Variants in SEPTIN9 observed in about 807,000 individuals in gnomAD.
SEPTIN9 encodes the protein septin 9, also known as septin-9.
SEPTIN9 carries 13 observed loss-of-function variants against 56.6 expected under a neutral mutation model. The ratio of observed to expected loss-of-function variants is 0.23; its 90% CI spans 0.15 to 0.37. SEPTIN9 has a LOEUF of 0.37. Among genes scored for constraint, SEPTIN9 ranks in the 10% least tolerant of loss-of-function variants. The probability of loss-of-function intolerance (pLI) is 1.00; values close to 1 mark genes in which losing one functional copy is unlikely to be tolerated. For missense variants in SEPTIN9, 650 were observed against 823.1 expected (o/e 0.79, Z 2.57); for synonymous variants, 332 against 334.1 (o/e 0.99, Z 0.07).
At chr17:77,308,585 T>C (rs1310462881) in intron 2 of SEPTIN9, among the ~76,000 whole-genome samples, 1 of 152,254 alleles carries the variant, frequency 6.6e-6, no homozygotes, top group African/African-American at 2.4e-5. Flanking sequence ...CATAGAATTA[T>C]TTATTTATTT....
intron 3 of SEPTIN9, among the ~76,000 whole-genome samples, chr17:77,439,487 G>C (rs2037468486): frequency 6.6e-6 from 1 of 152,170 alleles, no homozygotes; most frequent in Non-Finnish European, 1.5e-5. Context: ...GGCAGCCCAG[G>C]GGTCCTAGAG....
chr17:77,352,069 G>T (rs2034081331), intron 2 of SEPTIN9, among the ~76,000 whole-genome samples: 1 of 152,206 alleles, frequency 6.6e-6, no homozygotes. Flanking sequence ...TCCTGCGGCT[G>T]TCATAACAAA....
chr17:77,331,769 G>T (rs2033371699), intron 2 of SEPTIN9, among the ~76,000 whole-genome samples: 1 of 152,164 alleles, frequency 6.6e-6, no homozygotes, highest in Non-Finnish European at 1.5e-5. Context: ...AGGCACGGGG[G>T]TGCCTCCTTC....
intron 7 of SEPTIN9, among the ~76,000 whole-genome samples, chr17:77,489,679 C>T (rs996250189): frequency 7.2e-5 from 11 of 152,156 alleles, no homozygotes; most frequent in Middle Eastern, 3.2e-3. Flanking sequence ...ACTCTGTGGG[C>T]ACCAGGTGCA....
chr17:77,355,981 C>CA (rs766969712), intron 2 of SEPTIN9, among the ~76,000 whole-genome samples: 1,010 of 92,364 alleles, frequency 0.011, 38 homozygotes, highest in African/African-American at 0.036. Context: ...GACTCCGTCT[C>CA]AAAAAAAAAA....
rs574477796 is a variant in SEPTIN9, at chr17:77,426,179, C to T, written c.721+23476C>T. Among the ~76,000 whole-genome samples, 9 of 152,166 alleles carry T rather than the reference C, an allele frequency of 5.9e-5. No individual in the cohort carries two copies. In the South Asian group the frequency reaches 8.3e-4, roughly 14 times the overall value. On this transcript the variant is annotated intron_variant, in intron 3 of 11. Coordinates refer to ENST00000427177, the MANE Select transcript of SEPTIN9 (RefSeq NM_001113491.2). ...AGAAGTTGAGCACTCCTCCCGAATC[C>T]GAGTGCCCTCTGACCCCTGCTTGGG...
rs9907297 is a variant in SEPTIN9, at chr17:77,479,213, C to T, written c.722-2931C>T. Among the ~76,000 whole-genome samples the T allele has an allele frequency of 2.1e-3, 317 of 152,308 alleles. 3 individuals carry two copies. The highest frequency in any genetic ancestry group is 6.7e-3 in the African/African-American group (277 of 41,548). ...GGCCAGTGGCTACCACGCTGAGCAGCGCAGGCCTCGGACGGTGTCGTGGTC... is the reference window on the plus strand; with the variant it reads ...GGCCAGTGGCTACCACGCTGAGCAGTGCAGGCCTCGGACGGTGTCGTGGTC... On this transcript the variant is annotated intron_variant, in intron 3 of 11. Transcript: ENST00000427177.
At chr17:77,380,047 C>G (rs2143959460) in intron 2 of SEPTIN9, 1 of 157,366 alleles carries the variant, frequency 6.4e-6, no homozygotes, top group East Asian at 1.6e-4. Context: ...CACCAGTTGG[C>G]CCCTAGACAC....
rs1001514878 is a variant in SEPTIN9 at position 77,327,487 on chromosome 17, G to T, written c.76+20290G>T. ...TGGTTCAAGCCCACCCTGACTTGGA[G>T]CCTGAGGGTCCCTGAGGGGGTCCTG... On this transcript the variant is annotated intron_variant, in intron 2 of 11. Coordinates refer to ENST00000427177, the MANE Select transcript of SEPTIN9 (RefSeq NM_001113491.2). This position sits in a 1 kb window ranked among gnomAD's most constrained non-coding sequence, Gnocchi z 5.0. Among the ~76,000 whole-genome samples, 3 of 152,202 alleles carry T rather than the reference G, an allele frequency of 2.0e-5. No homozygotes were observed. The highest frequency in any genetic ancestry group is 4.4e-5 in the Non-Finnish European group (3 of 68,030).
At chr17:77,420,132 G>A (rs956197222) in intron 3 of SEPTIN9, among the ~76,000 whole-genome samples, 2 of 152,146 alleles carry the variant, frequency 1.3e-5, no homozygotes, top group Non-Finnish European at 1.5e-5. Context: ...GGCCAGTCCC[G>A]TGTCTCCTGG....
rs2036048580 is a variant in SEPTIN9, at chr17:77,405,809, G to C, written c.721+3106G>C. ...CACGGATCCAGTTCTCTCCAACTCA[G>C]CTTCCTGCCCATCTTTCCTTCAGGC... On this transcript the variant is annotated intron_variant, in intron 3 of 11. Coordinates refer to ENST00000427177, the MANE Select transcript of SEPTIN9 (RefSeq NM_001113491.2). This position sits in a 1 kb window ranked among gnomAD's most constrained non-coding sequence, Gnocchi z 5.8. Among the ~76,000 whole-genome samples, 1 of 152,166 alleles carries C rather than the reference G, an allele frequency of 6.6e-6. No homozygotes were observed. Among genetic ancestry groups the C allele is most frequent in the African/African-American group, 2.4e-5 (1 of 41,438 alleles).
Position 77,498,730 on chromosome 17 carries a change from C to CAGGCCCTCCCA in SEPTIN9, c.*72_*73insAGGCCCTCCCA. 1.1e-6 allele frequency: 1 copy of CAGGCCCTCCCA among 900,426 alleles called. No homozygotes were observed. Among genetic ancestry groups the CAGGCCCTCCCA allele is most frequent in the Non-Finnish European group, 1.8e-6 (1 of 565,464 alleles). 55.8% of individuals were successfully genotyped at this position (900,426 alleles called of 1,614,324 possible). A position where few individuals can be genotyped will look rare whatever the true frequency, so the allele number is the denominator to read the frequency against. On this transcript the variant is annotated 3_prime_UTR_variant, in exon 12 of 12. Transcript: ENST00000427177. The stretch of plus-strand genomic sequence containing the variant: ...TCCCCCCCCAGGCCCTCCCACCACC[C>CAGGCCCTCCCA]CATTTTATTTTATATGATTTTCTCC...
At chr17:77,498,075 C>A (rs1481111292) in intron 11 of SEPTIN9, among the ~76,000 whole-genome samples, 2 of 151,718 alleles carry the variant, frequency 1.3e-5, no homozygotes, top group Non-Finnish European at 2.9e-5. Flanking sequence ...ACAAGGGCAA[C>A]CCAGCCCTTT....
chr17:77,377,855 C>T (rs1184635631), intron 2 of SEPTIN9, among the ~76,000 whole-genome samples: 1 of 152,186 alleles, frequency 6.6e-6, no homozygotes, highest in Non-Finnish European at 1.5e-5. Flanking sequence ...AGACTCAAGG[C>T]ATCCTGTGAA....
At chr17:77,303,688 GTAATAATAA>G (rs113943617) in intron 1 of SEPTIN9, among the ~76,000 whole-genome samples, 2 of 150,662 alleles carry the variant, frequency 1.3e-5, no homozygotes, top group African/African-American at 2.4e-5. Context: ...CTCAAAAGTA[GTAATAATAA>G]TAATAATAAT....
chr17:77,366,808 C>T (rs74000217), intron 2 of SEPTIN9, among the ~76,000 whole-genome samples: 2,403 of 152,006 alleles, frequency 0.016, 53 homozygotes, highest in African/African-American at 0.052. Context: ...GCGGGGAGCT[C>T]GGATGAGGTG....
Position 77,402,147 on chromosome 17 carries a change from T to A in SEPTIN9, c.165T>A (p.Thr55=), listed in dbSNP as rs1485955039. Residue 55 remains threonine, a synonymous_variant, in exon 3 of 12, where the codon ACT becomes ACA. Coordinates refer to ENST00000427177, the MANE Select transcript of SEPTIN9 (RefSeq NM_001113491.2). The surrounding 1 kb of genome is among the most constrained non-coding windows in gnomAD (Gnocchi z 6.6). ...TCCAGACTCCCCTACTCCGAGCCAC[T>A]GTGGCCAGCTCCACCCAGAAATTCC... The part of the protein sequence containing the change: ...RRVQTPLLRA[T]VASSTQKFQD... 1.2e-6 allele frequency: 2 copies of A among 1,613,850 alleles called. No homozygotes were observed. Among genetic ancestry groups the A allele is most frequent in the African/African-American group, 2.7e-5 (2 of 75,014 alleles).
In SEPTIN9 at chr17:77,389,693, C is replaced by A. The variant is rs751633; in HGVS notation, c.77-12366C>A. Among the ~76,000 whole-genome samples, 61,502 of 151,750 alleles carry A rather than the reference C, an allele frequency of 0.41. 13,034 individuals are homozygous for A. The highest frequency in any genetic ancestry group is 0.47 in the Non-Finnish European group (31,628 of 67,876). On this transcript the variant is annotated intron_variant, in intron 2 of 11. Transcript: ENST00000427177. This position sits in a 1 kb window ranked among gnomAD's most constrained non-coding sequence, Gnocchi z 4.3. Reference sequence around the variant, plus strand: ...CCCTTCTGCTGCCTTCCACCAGGGACGGAGGGTGGGCGGCCCTCCCACCCA... The same window carrying A: ...CCCTTCTGCTGCCTTCCACCAGGGAAGGAGGGTGGGCGGCCCTCCCACCCA...
intron 2 of SEPTIN9, among the ~76,000 whole-genome samples, chr17:77,308,107 C>T (rs1308950196): frequency 6.6e-6 from 1 of 152,154 alleles, no homozygotes; most frequent in East Asian, 1.9e-4. Context: ...GACTTACCTC[C>T]CCTAGGAGAC....
Sources: gnomAD v4.1 joint callset for allele counts (sites outside exome capture counted in the v4.1 genomes callset) on GRCh38, gnomAD v4.1.1 for gene constraint, Gnocchi (gnomAD v3.1) non-coding constraint, MANE v1.5 for transcripts, NCBI Gene and HGNC (gene_info 2026-07-23, HGNC 2026-07-21) for gene names.